The following MON2 variants were observed in gnomAD, a reference collection of about 807,000 sequenced individuals.
The protein encoded by MON2 is protein MON2 homolog.
Under a neutral mutation model 208.6 loss-of-function variants are expected in MON2, and 84 were observed. That is an observed-to-expected ratio of 0.40 (90% CI 0.34 to 0.48). MON2 has a LOEUF of 0.48. MON2 is among the 20% of genes least tolerant of loss of function. The pLI is 0.59. For missense variants in MON2, 1,611 were observed against 2,015.4 expected (o/e 0.80, Z 3.84); for synonymous variants, 660 against 694.0 (o/e 0.95, Z 0.77).
intron 24 of MON2, among the ~76,000 whole-genome samples, chr12:62,553,760 G>A (rs894256669): frequency 1.1e-4 from 17 of 151,958 alleles, no homozygotes; most frequent in Non-Finnish European, 4.4e-5. Context: ...GTTTATTAGT[G>A]ATCATTCCCT....
chr12:62,485,254 C>T (rs1255823188), intron 2 of MON2, among the ~76,000 whole-genome samples: 3 of 152,146 alleles, frequency 2.0e-5, no homozygotes, highest in Non-Finnish European at 4.4e-5. Flanking sequence ...TGCTGTTGAT[C>T]TCAGCTAATC....
intron 33 of MON2, among the ~76,000 whole-genome samples, chr12:62,587,272 T>C (rs2075248302): frequency 6.6e-6 from 1 of 152,192 alleles, no homozygotes; most frequent in Non-Finnish European, 1.5e-5. Flanking sequence ...AGTACCATTG[T>C]AATTTTGAAT....
intron 33 of MON2, among the ~76,000 whole-genome samples, chr12:62,587,641 GCT>G: frequency 6.6e-6 from 1 of 152,068 alleles, no homozygotes. Flanking sequence ...TACTCGGGAG[GCT>G]AAGTGGGAGG....
At position 62,585,101 on chromosome 12, in the gene MON2, AC is replaced by A. The variant is rs1565714693; in HGVS notation, c.4700-192del. Among the ~76,000 whole-genome samples, 15 of 66,656 alleles carry A rather than the reference AC, an allele frequency of 2.3e-4. 1 individual carries two copies. Among genetic ancestry groups the A allele is most frequent in the Admixed American group, 9.2e-4 (7 of 7,568 alleles). The allele number at this position is 66,656 out of a possible 152,430, so 43.7% of individuals were successfully genotyped here. ...CACACACACACACACACACACACACACACACACACAAAACAAAAAAAAACAA... is the reference window on the plus strand; with the variant it reads ...CACACACACACACACACACACACACAACACACACAAAACAAAAAAAAACAA... On this transcript the variant is annotated intron_variant, in intron 32 of 34. Coordinates refer to ENST00000393630, the MANE Select transcript of MON2 (RefSeq NM_015026.3).
chr12:62,485,823 C>G (rs2069746473), intron 2 of MON2, among the ~76,000 whole-genome samples: 1 of 152,146 alleles, frequency 6.6e-6, no homozygotes, highest in African/African-American at 2.4e-5. Flanking sequence ...CCTGCCTCAG[C>G]CACCCGAGTA....
Position 62,585,065 on chromosome 12 carries a change from GCACACACACACACACACA to G in MON2, c.4700-200_4700-183del, listed in dbSNP as rs57834850. Among the ~76,000 whole-genome samples, 650 of 98,814 alleles carry G rather than the reference GCACACACACACACACACA, an allele frequency of 6.6e-3. 18 individuals carry two copies. The highest frequency in any genetic ancestry group is 0.025 in the African/African-American group (606 of 24,260). The allele number at this position is 98,814 out of a possible 152,430, so 64.8% of individuals were successfully genotyped here. A position where few individuals can be genotyped will look rare whatever the true frequency, so the allele number is the denominator to read the frequency against. On this transcript the variant is annotated intron_variant, in intron 32 of 34. Transcript: ENST00000393630. Reference sequence around the variant, plus strand: ...AGGGGGAATTTGTTTCTCTCTACATGCACACACACACACACACACACACACACACACACACACACACAC... The same window carrying G: ...AGGGGGAATTTGTTTCTCTCTACATGCACACACACACACACACACACACAC...
At chr12:62,513,434 C>T (rs1439373798) in intron 8 of MON2, among the ~76,000 whole-genome samples, 1 of 151,904 alleles carries the variant, frequency 6.6e-6, no homozygotes, top group African/African-American at 2.4e-5. Flanking sequence ...CCATGTTGGC[C>T]AGGCTGGTCT....
intron 22 of MON2, 96 bp downstream of exon 22, chr12:62,547,168 G>C: frequency 1.3e-6 from 1 of 793,612 alleles, no homozygotes; most frequent in Non-Finnish European, 1.8e-6. Flanking sequence ...GGTAGAGAAG[G>C]ACTCCATCCT....
At chr12:62,473,634 A>G (rs1176910565) in intron 1 of MON2, among the ~76,000 whole-genome samples, 1 of 151,984 alleles carries the variant, frequency 6.6e-6, no homozygotes, top group East Asian at 1.9e-4. Flanking sequence ...GCAGTGGGCT[A>G]TCTTGGCTCA....
intron 19 of MON2, among the ~76,000 whole-genome samples, chr12:62,542,734 C>T (rs1482745048): frequency 6.6e-6 from 1 of 151,980 alleles, no homozygotes; most frequent in Admixed American, 6.6e-5. Context: ...TCTCTTTTTC[C>T]CTACTTCTTG....
chr12:62,563,291 T>C (rs1307023718), intron 26 of MON2, among the ~76,000 whole-genome samples: 2 of 152,216 alleles, frequency 1.3e-5, no homozygotes, highest in Non-Finnish European at 2.9e-5. Context: ...AGGCACTTAG[T>C]GCCTGGCATG....
chr12:62,582,302 G>A (rs961246425), intron 32 of MON2, among the ~76,000 whole-genome samples: 1 of 152,108 alleles, frequency 6.6e-6, no homozygotes, highest in African/African-American at 2.4e-5. Flanking sequence ...GACAAGAAAG[G>A]TGCATGGACA....
chr12:62,578,247 T>TA (rs1266594762), intron 30 of MON2, among the ~76,000 whole-genome samples, 198 bp from the exon 31 acceptor site: 3 of 152,204 alleles, frequency 2.0e-5, no homozygotes, highest in Non-Finnish European at 4.4e-5. Context: ...TTTTTGTAGT[T>TA]AGAGTATCAT....
At chr12:62,512,666 T>C (rs1433376683) in intron 8 of MON2, among the ~76,000 whole-genome samples, 1 of 152,230 alleles carries the variant, frequency 6.6e-6, no homozygotes, top group African/African-American at 2.4e-5. Flanking sequence ...TCTGTCATTC[T>C]GGTGTCTGGA....
chr12:62,567,727 A>T (rs1283639315), intron 29 of MON2, among the ~76,000 whole-genome samples: 1 of 152,224 alleles, frequency 6.6e-6, no homozygotes, highest in Non-Finnish European at 1.5e-5. Flanking sequence ...TTTTAAAATG[A>T]ATAAAATGAT....
intron 25 of MON2, among the ~76,000 whole-genome samples, chr12:62,559,619 A>G (rs1332693932): frequency 1.3e-5 from 2 of 152,110 alleles, no homozygotes; most frequent in Non-Finnish European, 2.9e-5. Flanking sequence ...CACTACAAAA[A>G]ATAATTTAAA....
intron 24 of MON2, among the ~76,000 whole-genome samples, chr12:62,554,507 G>A (rs1401884231): frequency 6.6e-6 from 1 of 151,978 alleles, no homozygotes; most frequent in African/African-American, 2.4e-5. Context: ...CTTTTTTTGT[G>A]AGTGAAAGAT....
At chr12:62,555,350 T>TG (rs2073918818) in intron 24 of MON2, among the ~76,000 whole-genome samples, 1 of 150,890 alleles carries the variant, frequency 6.6e-6, no homozygotes, top group Non-Finnish European at 1.5e-5. Flanking sequence ...TAGCTAATTT[T>TG]GGGTTTTTTT....
Position 62,499,150 on chromosome 12 carries a change from T to C in MON2, c.565+102T>C, listed in dbSNP as rs900846871. Reference sequence around the variant, plus strand: ...CAGATGATCAACATTATTATGTCTATAATGGCAACTTAAAAAATAAATTCC... The same window carrying C: ...CAGATGATCAACATTATTATGTCTACAATGGCAACTTAAAAAATAAATTCC... On this transcript the variant is annotated intron_variant, in intron 5 of 34. Transcript: ENST00000393630. 11 of 1,165,110 alleles carry C rather than the reference T, an allele frequency of 9.4e-6. No homozygotes were observed. The African/African-American group carries it at 1.6e-4, about 17-fold the overall frequency. The allele number at this position is 1,165,110 out of a possible 1,614,324, so 72.2% of individuals were successfully genotyped here.
Sources: gnomAD v4.1 joint callset for allele counts (sites outside exome capture counted in the v4.1 genomes callset) on GRCh38, gnomAD v4.1.1 for gene constraint, MANE v1.5 for transcripts, NCBI Gene and HGNC (gene_info 2026-07-23, HGNC 2026-07-21) for gene names.